Variants in SLC16A7 observed in about 807,000 individuals in gnomAD.
The protein encoded by SLC16A7 is monocarboxylate transporter 2.
In SLC16A7, 33 loss-of-function variants were observed where a neutral mutation model predicts 34.9. The ratio of observed to expected loss-of-function variants is 0.94; its 90% CI spans 0.72 to 1.26. The LOEUF is 1.26. SLC16A7 is among the 50% of genes most tolerant of loss of function. The probability of loss-of-function intolerance (pLI) is 0.00; values close to 1 mark genes in which losing one functional copy is unlikely to be tolerated. For synonymous variants in SLC16A7, 201 were observed against 206.6 expected, an observed-to-expected ratio of 0.97 and a Z score of 0.23; for missense variants, 573 against 578.1, an observed-to-expected ratio of 0.99 and a Z score of 0.09.
rs1217535154 is a variant in SLC16A7, at chr12:59,667,354, G to C, written c.-31+12104G>C. ...TCAGAAGACAGTAAGATGTGGAAAA[G>C]TTTGGAACTTCCTAGAGACTTGTTG... is the stretch of plus-strand genomic sequence containing the variant. On this transcript the variant is annotated intron_variant, in intron 2 of 5. Coordinates refer to ENST00000547379, the MANE Select transcript of SLC16A7 (RefSeq NM_001270623.2). 2.0e-5 allele frequency among the ~76,000 whole-genome samples: 3 copies of C among 152,170 alleles called. No homozygotes were observed. The East Asian group carries it at 5.8e-4, about 29-fold the overall frequency.
chr12:59,785,248 C>T lies in SLC16A7; in HGVS notation c.*5569C>T, dbSNP rs776243996. On this transcript the variant is annotated 3_prime_UTR_variant, in exon 6 of 6. Transcript: ENST00000547379. ...GTTCTGATTTTCTCTTCTTTCCTAT[C>T]AGTTGTTTGTACACTGGAGATTTTA... 2 of 152,150 alleles carry T rather than the reference C, an allele frequency of 1.3e-5. No individual in the cohort carries two copies. The highest frequency in any genetic ancestry group is 2.9e-5 in the Non-Finnish European group (2 of 68,022). 9.4% of individuals were successfully genotyped at this position (152,150 alleles called of 1,614,324 possible). A position where few individuals can be genotyped will look rare whatever the true frequency, so the allele number is the denominator to read the frequency against.
At chr12:59,751,278 G>A (rs1879512025) in intron 3 of SLC16A7, among the ~76,000 whole-genome samples, 1 of 152,262 alleles carries the variant, frequency 6.6e-6, no homozygotes, top group South Asian at 2.1e-4. Context: ...AGCGCACCGT[G>A]TGCGAGCCGA....
At chr12:59,749,956 C>A (rs1442723493) in intron 3 of SLC16A7, among the ~76,000 whole-genome samples, 1 of 152,112 alleles carries the variant, frequency 6.6e-6, no homozygotes, top group East Asian at 1.9e-4. Flanking sequence ...AGAAGCAGGG[C>A]AATGGGGAAA....
chr12:59,664,009 G>T (rs1868995950), intron 2 of SLC16A7, among the ~76,000 whole-genome samples: 1 of 152,000 alleles, frequency 6.6e-6, no homozygotes, highest in Non-Finnish European at 1.5e-5. Flanking sequence ...CACTGATAGA[G>T]GAGTCTGGCA....
At chr12:59,682,864 C>T (rs765938675) in intron 2 of SLC16A7, among the ~76,000 whole-genome samples, 2 of 152,014 alleles carry the variant, frequency 1.3e-5, no homozygotes, top group Admixed American at 6.6e-5. Flanking sequence ...GTCGAGAGTT[C>T]GAGACCAGCC....
chr12:59,766,473 T>C (rs1176291919), intron 3 of SLC16A7, among the ~76,000 whole-genome samples: 8 of 152,196 alleles, frequency 5.3e-5, no homozygotes, highest in African/African-American at 1.4e-4. Context: ...GGGTTTGTCA[T>C]AGATAGCTCT....
At position 59,781,138 on chromosome 12, in the gene SLC16A7, T is replaced by G. The variant is rs1883216408; in HGVS notation, c.*1459T>G. 1 of 152,170 alleles carries G rather than the reference T, an allele frequency of 6.6e-6. No individual in the cohort carries two copies. Among genetic ancestry groups the G allele is most frequent in the East Asian group, 1.9e-4 (1 of 5,202 alleles). 9.4% of individuals were successfully genotyped at this position (152,170 alleles called of 1,614,324 possible). A position where few individuals can be genotyped will look rare whatever the true frequency, so the allele number is the denominator to read the frequency against. On this transcript the variant is annotated 3_prime_UTR_variant, in exon 6 of 6. Transcript: ENST00000547379. ...TAACTATGTGAAAACATCTGGGAAT[T>G]TGAATCACTCCTGAATACAGAGGCA...
intron 3 of SLC16A7, among the ~76,000 whole-genome samples, chr12:59,752,936 G>A (rs896596130): frequency 4.6e-5 from 7 of 152,200 alleles, no homozygotes; most frequent in African/African-American, 1.7e-4. Context: ...CCAGAAGAGA[G>A]TGGAGGCCAA....
At chr12:59,734,159 A>G (rs1456703175) in intron 3 of SLC16A7, 1 of 206,328 alleles carries the variant, frequency 4.8e-6, no homozygotes, top group Non-Finnish European at 1.0e-5. Flanking sequence ...TCTGCCTCCC[A>G]CCATCAACAT....
chr12:59,698,325 A>G (rs954278992), intron 2 of SLC16A7, among the ~76,000 whole-genome samples: 23 of 151,932 alleles, frequency 1.5e-4, no homozygotes, highest in Admixed American at 1.3e-3. Flanking sequence ...GTACTTCTAT[A>G]TAGCACATTT....
chr12:59,628,675 C>T (rs559883757), intron 1 of SLC16A7, among the ~76,000 whole-genome samples: 4 of 151,334 alleles, frequency 2.6e-5, no homozygotes, highest in Admixed American at 6.6e-5. Context: ...TGTGCATGTG[C>T]GTGTGTGTGT....
intron 3 of SLC16A7, among the ~76,000 whole-genome samples, chr12:59,723,419 G>T (rs894508784): frequency 4.0e-5 from 6 of 151,880 alleles, no homozygotes; most frequent in African/African-American, 1.2e-4. Flanking sequence ...TGCTAACAAA[G>T]ATTTAATTAG....
chr12:59,753,680 A>C (rs1879899069), intron 3 of SLC16A7, among the ~76,000 whole-genome samples: 1 of 152,098 alleles, frequency 6.6e-6, no homozygotes, highest in Non-Finnish European at 1.5e-5. Flanking sequence ...CCCCACTGTC[A>C]ACATTAGACA....
intron 2 of SLC16A7, among the ~76,000 whole-genome samples, chr12:59,677,149 G>A (rs1020995861): frequency 3.3e-5 from 5 of 151,434 alleles, no homozygotes; most frequent in Admixed American, 2.6e-4. Flanking sequence ...ATGAGATCTT[G>A]GGAGTGCAGT....
chr12:59,775,132 G>A lies in SLC16A7; in HGVS notation c.837G>A (p.Glu279=), dbSNP rs1882622701. 4 of 1,614,076 alleles carry A rather than the reference G, an allele frequency of 2.5e-6. No homozygotes were observed. In the South Asian group the frequency reaches 4.4e-5, roughly 18 times the overall value. Residue 279 remains glutamate (E), a synonymous_variant, in exon 5 of 6, where the codon GAG becomes GAA. Transcript: ENST00000547379. ...ATGCTAAAGACCAAGGAATTGATGA[G>A]TACTCGGCAGCTTTTCTGCTATCTG... ...APYAKDQGID[E]YSAAFLLSVM...
chr12:59,642,358 C>T (rs1487875620), intron 1 of SLC16A7, among the ~76,000 whole-genome samples: 2 of 152,046 alleles, frequency 1.3e-5, no homozygotes, highest in East Asian at 1.9e-4. Flanking sequence ...GGTTAGATAT[C>T]CGTTCTTAGT....
intron 3 of SLC16A7, among the ~76,000 whole-genome samples, chr12:59,730,116 G>T (rs973895413): frequency 6.6e-6 from 1 of 151,700 alleles, no homozygotes; most frequent in Non-Finnish European, 1.5e-5. Context: ...GATCTACCAG[G>T]AATTATTGGA....
chr12:59,660,290 C>G (rs1010945612), intron 2 of SLC16A7, among the ~76,000 whole-genome samples: 4 of 151,950 alleles, frequency 2.6e-5, no homozygotes, highest in Non-Finnish European at 5.9e-5. Context: ...TCCACGTCTT[C>G]CATCTGCTGC....
intron 3 of SLC16A7, among the ~76,000 whole-genome samples, chr12:59,768,515 A>G (rs1881904681): frequency 6.6e-6 from 1 of 152,196 alleles, no homozygotes; most frequent in South Asian, 2.1e-4. Flanking sequence ...TTGTTGATAT[A>G]ACTACAAAAG....
Sources: allele counts gnomAD v4.1 joint callset (sites outside exome capture counted in the v4.1 genomes callset), GRCh38; gene constraint gnomAD v4.1.1; transcripts MANE v1.5; gene names NCBI Gene and HGNC (gene_info 2026-07-23, HGNC 2026-07-21).